Variants in COG5 observed in about 807,000 individuals in gnomAD.
COG5 encodes the protein conserved oligomeric Golgi complex subunit 5.
In COG5, 86 loss-of-function variants were observed where a neutral mutation model predicts 110.4. That is an observed-to-expected ratio of 0.78 (90% CI 0.65 to 0.93). The LOEUF is 0.93. Ranked by LOEUF, COG5 falls within the 40% of genes least tolerant of loss-of-function variation. The pLI is 0.00. For synonymous variants in COG5, 360 were observed against 334.6 expected (o/e 1.08, Z -0.83); for missense variants, 1,077 against 987.0 (o/e 1.09, Z -1.22).
chr7:107,360,200 T>C (rs1018502728), intron 10 of COG5, among the ~76,000 whole-genome samples: 1 of 152,202 alleles, frequency 6.6e-6, no homozygotes, highest in Admixed American at 6.5e-5. Flanking sequence ...GGTCTGCCTG[T>C]GGAACGGAGC....
At position 107,261,686 on chromosome 7, in the gene COG5, C is replaced by G. The variant is rs535620584; in HGVS notation, c.1576-3303G>C. ...GATTCCTTGTCCTCTTCTCCTTCAA[C>G]AATCTTACTGTTTACTCCAACTCAT... On this transcript the variant is annotated intron_variant, in intron 14 of 21. Coordinates refer to ENST00000297135, the MANE Select transcript of COG5 (RefSeq NM_006348.5). 2.0e-5 allele frequency among the ~76,000 whole-genome samples: 3 copies of G among 152,252 alleles called. No homozygotes were observed. The East Asian group carries it at 5.8e-4, about 29-fold the overall frequency.
At chr7:107,483,235 AG>A (rs1797452043) in intron 6 of COG5, among the ~76,000 whole-genome samples, 1 of 152,210 alleles carries the variant, frequency 6.6e-6, no homozygotes, top group Non-Finnish European at 1.5e-5. Flanking sequence ...ACACTACTCT[AG>A]GAACATTTCT....
At chr7:107,262,525 A>G (rs1452839683) in intron 14 of COG5, among the ~76,000 whole-genome samples, 1 of 152,176 alleles carries the variant, frequency 6.6e-6, no homozygotes, top group East Asian at 1.9e-4. Context: ...GTCCTGGGTG[A>G]AACCAAGTCA....
At chr7:107,342,235 G>T (rs1373612686) in intron 10 of COG5, among the ~76,000 whole-genome samples, 1 of 151,866 alleles carries the variant, frequency 6.6e-6, no homozygotes, top group Non-Finnish European at 1.5e-5. Context: ...CTTCTCAAAA[G>T]AAGACATACA....
At chr7:107,425,643 T>C (rs6961394) in intron 6 of COG5, among the ~76,000 whole-genome samples, 1,570 of 152,260 alleles carry the variant, frequency 0.01, 26 homozygotes, top group African/African-American at 0.034. Flanking sequence ...TTAAGGGCTT[T>C]AAGTTAACTC....
At position 107,294,137 on chromosome 7, in the gene COG5, A is replaced by G. The variant is rs192177953; in HGVS notation, c.1313+4005T>C. Among the ~76,000 whole-genome samples the G allele has an allele frequency of 1.0e-3, 159 of 152,296 alleles. 1 individual carries two copies. The highest frequency in any genetic ancestry group is 3.4e-3 in the African/African-American group (143 of 41,570). On this transcript the variant is annotated intron_variant, in intron 12 of 21. Coordinates refer to ENST00000297135, the MANE Select transcript of COG5 (RefSeq NM_006348.5). ...ATACATATTTCCAGCCCTGACTCAT[A>G]TTTAATTACCTTTTCAACAACTCTA...
intron 6 of COG5, among the ~76,000 whole-genome samples, chr7:107,454,840 G>GA (rs202037065): frequency 1.8e-3 from 272 of 148,002 alleles, no homozygotes; most frequent in African/African-American, 6.2e-3. Flanking sequence ...AAATTAAAAA[G>GA]AAAAAAAAAA....
intron 6 of COG5, among the ~76,000 whole-genome samples, chr7:107,493,963 TA>T (rs1798118837): frequency 1.3e-5 from 2 of 152,152 alleles, no homozygotes; most frequent in Admixed American, 1.3e-4. Context: ...ATTTGAGTAT[TA>T]AAAATTTCCA....
In COG5 at chr7:107,253,118, C is replaced by CT. The variant is rs1802640915; in HGVS notation, c.1749+3613_1749+3614insA. Reference sequence around the variant, plus strand: ...GGCATGGAAAAACAGGCATAAAGATCAGAAAGTAAGAAATAAAAATCCCTA... The same window carrying CT: ...GGCATGGAAAAACAGGCATAAAGATCTAGAAAGTAAGAAATAAAAATCCCTA... On this transcript the variant is annotated intron_variant, in intron 16 of 21. Transcript: ENST00000297135. The CT allele has an allele frequency of 2.0e-5, 3 of 152,066 alleles. No individual in the cohort carries two copies. The East Asian group carries it at 5.8e-4, about 29-fold the overall frequency. The allele number at this position is 152,066 out of a possible 1,614,324, so 9.4% of individuals were successfully genotyped here.
chr7:107,482,115 T>C (rs1361386017), intron 6 of COG5, among the ~76,000 whole-genome samples: 1 of 151,180 alleles, frequency 6.6e-6, no homozygotes, highest in Non-Finnish European at 1.5e-5. Context: ...TCAGAATCTC[T>C]GAGGTTGCAG....
intron 19 of COG5, among the ~76,000 whole-genome samples, chr7:107,221,495 T>C (rs1799921679): frequency 6.6e-6 from 1 of 152,100 alleles, no homozygotes; most frequent in Admixed American, 6.6e-5. Context: ...CCAGGTGTGG[T>C]GGCTCACACC....
intron 17 of COG5, among the ~76,000 whole-genome samples, chr7:107,247,660 C>T (rs1045676823): frequency 2.0e-5 from 3 of 152,104 alleles, no homozygotes; most frequent in African/African-American, 7.2e-5. Context: ...ATAACTATTC[C>T]AAATGCTCCA....
At chr7:107,324,636 G>A in intron 10 of COG5, 115 bp from the exon 11 acceptor site, 1 of 606,030 alleles carries the variant, frequency 1.7e-6, no homozygotes, top group Non-Finnish European at 2.9e-6. Flanking sequence ...AAAAATTTTA[G>A]ACATCTAACC....
chr7:107,562,196 G>C (rs1266199371), intron 1 of COG5, among the ~76,000 whole-genome samples: 1 of 152,172 alleles, frequency 6.6e-6, no homozygotes, highest in African/African-American at 2.4e-5. Context: ...GGTTTGAAAA[G>C]GGTAAAGAAG....
chr7:107,535,188 A>G (rs1026108500), intron 5 of COG5, among the ~76,000 whole-genome samples: 2 of 151,732 alleles, frequency 1.3e-5, no homozygotes, highest in Non-Finnish European at 2.9e-5. Flanking sequence ...AGGGAAATTT[A>G]TAGCACTAAA....
intron 11 of COG5, among the ~76,000 whole-genome samples, chr7:107,306,503 T>C (rs1584653091): frequency 6.6e-6 from 1 of 152,178 alleles, no homozygotes; most frequent in South Asian, 2.1e-4. Flanking sequence ...TTAACAGATA[T>C]TAAAATGCAA....
rs1807996116 is a variant in COG5, at chr7:107,309,169, G to C, written c.1109-10823C>G. On this transcript the variant is annotated intron_variant, in intron 11 of 21. Coordinates refer to ENST00000297135, the MANE Select transcript of COG5 (RefSeq NM_006348.5). ...AAAAAATACATCATCACTTCACTTT[G>C]ATCTCATTCACTTTGCATCTTCATT... Among the ~76,000 whole-genome samples, 3 of 151,884 alleles carry C rather than the reference G, an allele frequency of 2.0e-5. No homozygotes were observed. In the South Asian group the frequency reaches 6.3e-4, roughly 32 times the overall value.
At chr7:107,528,515 T>C (rs944371194) in intron 5 of COG5, among the ~76,000 whole-genome samples, 3 of 152,184 alleles carry the variant, frequency 2.0e-5, no homozygotes, top group Non-Finnish European at 4.4e-5. Context: ...AGATAAGAAA[T>C]AAAGGTTCAT....
intron 14 of COG5, among the ~76,000 whole-genome samples, chr7:107,259,364 A>C (rs974564686): frequency 1.3e-5 from 2 of 152,176 alleles, no homozygotes; most frequent in Admixed American, 1.3e-4. Flanking sequence ...ATTTTCCTGT[A>C]GAACTACCTT....
Sources: allele counts gnomAD v4.1 joint callset (sites outside exome capture counted in the v4.1 genomes callset), GRCh38; gene constraint gnomAD v4.1.1; transcripts MANE v1.5; gene names NCBI Gene and HGNC (gene_info 2026-07-23, HGNC 2026-07-21).